RANBP2: variants seen among roughly 807,000 people sequenced by gnomAD.
The protein encoded by RANBP2 is RAN binding protein 2.
RANBP2 carries 57 observed loss-of-function variants against 303.6 expected under a neutral mutation model. The ratio of observed to expected loss-of-function variants is 0.19; its 90% confidence interval spans 0.15 to 0.23. The LOEUF is 0.23. Ranked by LOEUF, RANBP2 falls within the 10% of genes least tolerant of loss-of-function variation. The probability of loss-of-function intolerance (pLI) is 1.00; values close to 1 mark genes in which losing one functional copy is unlikely to be tolerated. For missense variants in RANBP2, 3,138 were observed against 3,780.8 expected (o/e 0.83, Z 4.46); for synonymous variants, 1,167 against 1,301.5 (o/e 0.90, Z 2.23).
At chr2:109,343,806 A>G in the RANBP2 span, among the ~76,000 whole-genome samples, 1 of 150,684 alleles carries the variant, frequency 6.6e-6, no homozygotes, top group Non-Finnish European at 1.5e-5. Flanking sequence ...GTGCAGTGGT[A>G]CGATCATTGC....
At chr2:109,147,803 C>T in the RANBP2 span, among the ~76,000 whole-genome samples, 1 of 152,184 alleles carries the variant, frequency 6.6e-6, no homozygotes, top group African/African-American at 2.4e-5. Flanking sequence ...TGGAGCCTAG[C>T]CCATTGATCT....
At chr2:109,287,128 C>T in the RANBP2 span, among the ~76,000 whole-genome samples, 1 of 152,190 alleles carries the variant, frequency 6.6e-6, no homozygotes, top group African/African-American at 2.4e-5. Flanking sequence ...GTATTGGCCT[C>T]ATGGGGGGTT....
At chr2:109,525,736 C>G in the RANBP2 span, among the ~76,000 whole-genome samples, 1 of 152,126 alleles carries the variant, frequency 6.6e-6, no homozygotes, top group Non-Finnish European at 1.5e-5. Context: ...TGGCCACTGT[C>G]CTTACTAGCA....
the RANBP2 span, among the ~76,000 whole-genome samples, chr2:109,087,716 G>C: frequency 1.0e-3 from 159 of 152,296 alleles, no homozygotes; most frequent in African/African-American, 3.5e-3. Flanking sequence ...TGGAACCTAT[G>C]AGCTGCAACA....
At chr2:108,861,978 T>A in the RANBP2 span, among the ~76,000 whole-genome samples, 3 of 152,148 alleles carry the variant, frequency 2.0e-5, no homozygotes, top group African/African-American at 7.2e-5. Context: ...GAGTAAATTC[T>A]TTAGTTTTCA....
At chr2:109,293,351 C>T in the RANBP2 span, among the ~76,000 whole-genome samples, 2 of 152,222 alleles carry the variant, frequency 1.3e-5, no homozygotes, top group Non-Finnish European at 2.9e-5. Flanking sequence ...TGTGTGTCAT[C>T]AGGGGCCAGA....
downstream of RANBP2, chr2:108,786,694 GC>G: frequency 1.1e-6 from 1 of 872,750 alleles, no homozygotes; most frequent in Non-Finnish European, 1.8e-6. Flanking sequence ...GCCCCGCCCC[GC>G]CCTTTCCCTG....
the RANBP2 span, among the ~76,000 whole-genome samples, chr2:108,806,616 C>T: frequency 6.6e-6 from 1 of 152,120 alleles, no homozygotes; most frequent in Admixed American, 6.5e-5. Flanking sequence ...CGAAAACAGC[C>T]ATAGGCAATA....
chr2:109,249,800 G>A, the RANBP2 span, among the ~76,000 whole-genome samples: 2 of 151,628 alleles, frequency 1.3e-5, no homozygotes, highest in Admixed American at 1.3e-4. Context: ...GGGACTACAG[G>A]CGCCCGCCAC....
the RANBP2 span, among the ~76,000 whole-genome samples, chr2:109,513,561 C>T: frequency 1.3e-5 from 2 of 151,566 alleles, no homozygotes; most frequent in Non-Finnish European, 1.5e-5. Context: ...ACACTGCATG[C>T]ACACACCACA....
chr2:109,006,700 G>C, the RANBP2 span, among the ~76,000 whole-genome samples: 1 of 152,168 alleles, frequency 6.6e-6, no homozygotes, highest in Non-Finnish European at 1.5e-5. Context: ...GGCTAAGTGA[G>C]AGCGGAGGCC....
At chr2:108,750,585 T>TTCTTTTCTTTTCTTG in intron 9 of RANBP2, among the ~76,000 whole-genome samples, 1 of 143,362 alleles carries the variant, frequency 7.0e-6, no homozygotes, top group Admixed American at 6.8e-5. Context: ...TTCTTTTCTT[T>TTCTTTTCTTTTCTTG]TCTTTTCTTT....
chr2:109,046,904 TG>T, the RANBP2 span, among the ~76,000 whole-genome samples: 1 of 152,022 alleles, frequency 6.6e-6, no homozygotes, highest in Non-Finnish European at 1.5e-5. Context: ...CCCCAACCCC[TG>T]CCGGCTGGGG....
the RANBP2 span, among the ~76,000 whole-genome samples, chr2:109,513,367 G>A: frequency 2.7e-5 from 4 of 148,178 alleles, no homozygotes; most frequent in Admixed American, 1.3e-4. Flanking sequence ...CACACCTCCC[G>A]TATGCACACA....
chr2:109,068,886 TC>T, the RANBP2 span, among the ~76,000 whole-genome samples: 2 of 152,204 alleles, frequency 1.3e-5, no homozygotes, highest in African/African-American at 4.8e-5. Context: ...CATTATGTGG[TC>T]CCTCCTGCAA....
At chr2:109,732,987 G>A in the RANBP2 span, 1 of 593,980 alleles carries the variant, frequency 1.7e-6, no homozygotes, top group Non-Finnish European at 3.3e-6. Flanking sequence ...CCCTCTTGGG[G>A]TCATCGTCCT....
chr2:109,433,014 G>A, the RANBP2 span, among the ~76,000 whole-genome samples: 7 of 152,376 alleles, frequency 4.6e-5, no homozygotes, highest in Admixed American at 1.3e-4. Context: ...TGTGTTCAGC[G>A]TGTATGCTAT....
At chr2:109,322,882 C>T in the RANBP2 span, among the ~76,000 whole-genome samples, 2 of 152,188 alleles carry the variant, frequency 1.3e-5, no homozygotes, top group East Asian at 1.9e-4. Context: ...CATGCACAAA[C>T]CTTGTAATGT....
chr2:108,734,828 G>C (rs2149125048), intron 4 of RANBP2, among the ~76,000 whole-genome samples: 1 of 152,124 alleles, frequency 6.6e-6, no homozygotes, highest in African/African-American at 2.4e-5. Context: ...AACATCACTG[G>C]AGATGAGGTG....
Sources: allele counts gnomAD v4.1 joint callset (sites outside exome capture counted in the v4.1 genomes callset), GRCh38; gene constraint gnomAD v4.1.1; transcripts MANE v1.5; gene names NCBI Gene and HGNC (gene_info 2026-07-23, HGNC 2026-07-21).